TMTC2: variants seen among roughly 807,000 people sequenced by gnomAD.
TMTC2 encodes the protein protein O-mannosyl-transferase TMTC2.
A neutral mutation model predicts 82.4 loss-of-function variants in TMTC2; 43 were observed. The ratio of observed to expected loss-of-function variants is 0.52; its 90% CI spans 0.41 to 0.67. TMTC2 has a LOEUF of 0.67. Among genes scored for constraint, TMTC2 ranks in the 30% least tolerant of loss-of-function variants. The pLI, the probability that TMTC2 is intolerant of heterozygous loss-of-function variation, is 0.00. For synonymous variants in TMTC2, 408 were observed against 381.9 expected (o/e 1.07, Z -0.80); for missense variants, 919 against 1,012.4 (o/e 0.91, Z 1.25).
intron 4 of TMTC2, among the ~76,000 whole-genome samples, chr12:82,960,029 CA>C (rs756737149): frequency 3.3e-5 from 5 of 151,934 alleles, no homozygotes; most frequent in African/African-American, 4.8e-5. Context: ...GCAGACACTT[CA>C]AAAGAAGACA....
intron 1 of TMTC2, among the ~76,000 whole-genome samples, chr12:82,695,632 A>G (rs557126019): frequency 1.3e-5 from 2 of 152,306 alleles, no homozygotes; most frequent in African/African-American, 4.8e-5. Flanking sequence ...AATGTGAGTA[A>G]ATAAACTCTG....
intron 1 of TMTC2, among the ~76,000 whole-genome samples, chr12:82,755,335 T>C (rs1876242294): frequency 6.6e-6 from 1 of 152,070 alleles, no homozygotes; most frequent in Non-Finnish European, 1.5e-5. Flanking sequence ...GAATTTCCTT[T>C]GGGAAACCTC....
At chr12:82,766,121 G>C (rs1312837813) in intron 1 of TMTC2, among the ~76,000 whole-genome samples, 1 of 152,168 alleles carries the variant, frequency 6.6e-6, no homozygotes, top group East Asian at 1.9e-4. Context: ...AAGTTTCTCT[G>C]TGTCTGGGCT....
At chr12:82,963,430 T>G (rs1878031155) in intron 4 of TMTC2, among the ~76,000 whole-genome samples, 1 of 151,896 alleles carries the variant, frequency 6.6e-6, no homozygotes, top group African/African-American at 2.4e-5. Flanking sequence ...GCACTTACCC[T>G]TCTATCAAGG....
intron 11 of TMTC2, among the ~76,000 whole-genome samples, chr12:83,086,172 G>T (rs1213533876): frequency 2.0e-5 from 3 of 152,040 alleles, no homozygotes; most frequent in Admixed American, 2.0e-4. Context: ...AGGGTTGCAC[G>T]GTGGCCGGGC....
At chr12:82,855,642 A>G (rs1871229565) in intron 1 of TMTC2, among the ~76,000 whole-genome samples, 1 of 152,202 alleles carries the variant, frequency 6.6e-6, no homozygotes, top group Admixed American at 6.5e-5. Flanking sequence ...AAAGACTCCA[A>G]ATGCCACTCT....
chr12:82,909,837 TTAGC>T (rs1233579737), intron 3 of TMTC2, among the ~76,000 whole-genome samples: 1 of 152,186 alleles, frequency 6.6e-6, no homozygotes, highest in Non-Finnish European at 1.5e-5. Context: ...TAAGGAATGA[TTAGC>T]TATGTTAGAA....
rs74975018 is a variant in TMTC2 at position 82,691,687 on chromosome 12, C to T, written c.83+4018C>T. Among the ~76,000 whole-genome samples the T allele has an allele frequency of 2.5e-3, 374 of 152,226 alleles. 1 individual carries two copies. The highest frequency in any genetic ancestry group is 8.5e-3 in the African/African-American group (355 of 41,560). On this transcript the variant is annotated intron_variant, in intron 1 of 11. Transcript: ENST00000321196. ...TCTGTTAACTTATCTTTAAAAAGTT[C>T]TCTCTAATAGACTTGTCTTTGACCA...
chr12:82,979,982 T>C (rs1483017649), intron 7 of TMTC2, among the ~76,000 whole-genome samples: 1 of 151,832 alleles, frequency 6.6e-6, no homozygotes, highest in Non-Finnish European at 1.5e-5. Context: ...TTGTATGTTA[T>C]TTGTTTATTT....
At chr12:82,821,349 C>G (rs1295833744) in intron 1 of TMTC2, among the ~76,000 whole-genome samples, 2 of 152,112 alleles carry the variant, frequency 1.3e-5, no homozygotes, top group Non-Finnish European at 2.9e-5. Context: ...TTTTCCAGAA[C>G]TAAAAGATTC....
At chr12:82,906,451 G>A (rs1359276950) in intron 3 of TMTC2, among the ~76,000 whole-genome samples, 1 of 152,094 alleles carries the variant, frequency 6.6e-6, no homozygotes, top group Non-Finnish European at 1.5e-5. Context: ...GATCACATGA[G>A]GTCAGGAGTT....
intron 11 of TMTC2, among the ~76,000 whole-genome samples, chr12:83,130,000 T>C (rs1382608708): frequency 6.6e-6 from 1 of 152,144 alleles, no homozygotes; most frequent in Non-Finnish European, 1.5e-5. Context: ...GGTAATAAAG[T>C]GATTCAAGAA....
At chr12:83,084,042 C>G (rs949009912) in intron 11 of TMTC2, among the ~76,000 whole-genome samples, 2 of 152,222 alleles carry the variant, frequency 1.3e-5, no homozygotes, top group Non-Finnish European at 2.9e-5. Context: ...CTCCCCATCT[C>G]TCTGTGTGAG....
intron 1 of TMTC2, among the ~76,000 whole-genome samples, chr12:82,689,075 T>A (rs1405047279): frequency 2.0e-5 from 3 of 152,264 alleles, no homozygotes; most frequent in Non-Finnish European, 4.4e-5. Context: ...TTTTAGCAAC[T>A]ACACAGCATG....
chr12:82,700,703 G>A (rs1873032752), intron 1 of TMTC2, among the ~76,000 whole-genome samples: 1 of 152,132 alleles, frequency 6.6e-6, no homozygotes, highest in Admixed American at 6.5e-5. Context: ...ATTGTTAGAT[G>A]ACTTCCAAAT....
intron 1 of TMTC2, among the ~76,000 whole-genome samples, chr12:82,821,536 A>G (rs929875005): frequency 2.0e-5 from 3 of 152,162 alleles, no homozygotes; most frequent in African/African-American, 4.8e-5. Context: ...AACTTCATTT[A>G]TATTTTCATT....
At chr12:83,053,972 C>T (rs1882444709) in intron 10 of TMTC2, among the ~76,000 whole-genome samples, 1 of 152,044 alleles carries the variant, frequency 6.6e-6, no homozygotes, top group Non-Finnish European at 1.5e-5. Context: ...AGTAGGATTG[C>T]ACTTTCCTGC....
chr12:82,737,325 T>G (rs1875177817), intron 1 of TMTC2, among the ~76,000 whole-genome samples: 1 of 151,934 alleles, frequency 6.6e-6, no homozygotes, highest in South Asian at 2.1e-4. Context: ...TTTTTTTTTG[T>G]TTTTTAATAT....
At chr12:83,053,467 A>G (rs928253654) in intron 10 of TMTC2, among the ~76,000 whole-genome samples, 2 of 152,102 alleles carry the variant, frequency 1.3e-5, no homozygotes, top group African/African-American at 4.8e-5. Context: ...TTTTCTTGGC[A>G]AATTTCCAAT....
Sources: allele counts gnomAD v4.1 joint callset (sites outside exome capture counted in the v4.1 genomes callset), GRCh38; gene constraint gnomAD v4.1.1; transcripts MANE v1.5; gene names NCBI Gene and HGNC (gene_info 2026-07-23, HGNC 2026-07-21).